Variants in MIPOL1 observed in about 807,000 individuals in gnomAD.
MIPOL1 encodes the protein mirror-image polydactyly 1, also known as mirror-image polydactyly gene 1 protein.
MIPOL1 carries 57 observed loss-of-function variants against 60.9 expected under a neutral mutation model. That is an observed-to-expected ratio of 0.94 (90% confidence interval 0.76 to 1.17). The LOEUF (loss-of-function observed/expected upper bound fraction) is 1.17, where lower values mean the gene tolerates loss of function less well. Ranked by LOEUF, MIPOL1 falls within the 50% of genes most tolerant of loss-of-function variation. The pLI is 0.00. For synonymous variants in MIPOL1, 179 were observed against 168.8 expected (o/e 1.06, Z -0.47); for missense variants, 551 against 511.6 (o/e 1.08, Z -0.74).
intron 10 of MIPOL1, among the ~76,000 whole-genome samples, chr14:37,419,020 A>G (rs2093821794): frequency 6.6e-6 from 1 of 152,126 alleles, no homozygotes; most frequent in Non-Finnish European, 1.5e-5. Context: ...AAACAAAGTT[A>G]TATTTCCACA....
intron 3 of MIPOL1, among the ~76,000 whole-genome samples, chr14:37,255,090 C>T (rs991117421): frequency 3.3e-5 from 5 of 151,684 alleles, no homozygotes; most frequent in Non-Finnish European, 5.9e-5. Context: ...GCTAAAAATC[C>T]TCATTTATTT....
chr14:37,369,695 A>C, intron 10 of MIPOL1, 71 bp downstream of exon 10: 1 of 1,140,094 alleles, frequency 8.8e-7, no homozygotes. Flanking sequence ...TGTGCTGCAT[A>C]TATCAGTTGT....
chr14:37,250,137 G>A (rs899175974), intron 3 of MIPOL1, among the ~76,000 whole-genome samples: 1 of 152,156 alleles, frequency 6.6e-6, no homozygotes, highest in Non-Finnish European at 1.5e-5. Flanking sequence ...TGCATAGACA[G>A]TTTACAGCAG....
intron 11 of MIPOL1, among the ~76,000 whole-genome samples, chr14:37,438,271 G>A (rs1595776173): frequency 6.6e-6 from 1 of 152,106 alleles, no homozygotes; most frequent in South Asian, 2.1e-4. Flanking sequence ...TCAATGTTTT[G>A]TGTTAAAACT....
intron 1 of MIPOL1, among the ~76,000 whole-genome samples, chr14:37,235,821 A>G (rs563747182): frequency 2.0e-5 from 3 of 152,086 alleles, no homozygotes; most frequent in Non-Finnish European, 4.4e-5. Context: ...GGGACCTCAT[A>G]TAAGTGGAAT....
intron 11 of MIPOL1, among the ~76,000 whole-genome samples, chr14:37,460,324 A>T (rs960821601): frequency 9.9e-5 from 15 of 152,102 alleles, no homozygotes; most frequent in Admixed American, 9.8e-4. Flanking sequence ...TCTCTTCATG[A>T]TAAAAACCTT....
At chr14:37,374,118 ATC>A (rs1457147784) in intron 10 of MIPOL1, among the ~76,000 whole-genome samples, 29 of 152,212 alleles carry the variant, frequency 1.9e-4, no homozygotes, top group African/African-American at 6.3e-4. Flanking sequence ...TTTGATTTGC[ATC>A]TCTCTAATGA....
chr14:37,325,326 A>C (rs1458713327), intron 9 of MIPOL1, among the ~76,000 whole-genome samples: 2 of 152,148 alleles, frequency 1.3e-5, no homozygotes, highest in Non-Finnish European at 2.9e-5. Flanking sequence ...CAAATAAAAC[A>C]ATTTCCTTCA....
Position 37,417,720 on chromosome 14 carries a change from T to G in MIPOL1, c.937-5135T>G, listed in dbSNP as rs116529179. ...TGATGTATTGTTTGAAGATACCCAA[T>G]TATATATTTTATAGATGTGTTTAAT... On this transcript the variant is annotated intron_variant, in intron 10 of 12. Transcript: ENST00000684589. Among the ~76,000 whole-genome samples the G allele has an allele frequency of 4.7e-3, 715 of 152,288 alleles. 4 individuals carry two copies. The highest frequency in any genetic ancestry group is 0.015 in the African/African-American group (635 of 41,568).
chr14:37,258,196 A>G (rs1975277839), intron 3 of MIPOL1, among the ~76,000 whole-genome samples: 1 of 152,126 alleles, frequency 6.6e-6, no homozygotes, highest in Non-Finnish European at 1.5e-5. Context: ...ATATATTCTT[A>G]AACAAAATGA....
chr14:37,399,408 C>T (rs1334098293), intron 10 of MIPOL1, among the ~76,000 whole-genome samples: 1 of 152,142 alleles, frequency 6.6e-6, no homozygotes, highest in African/African-American at 2.4e-5. Context: ...ACAGTATATT[C>T]TGTTTTTGTT....
At chr14:37,397,287 G>T (rs1218045441) in intron 10 of MIPOL1, among the ~76,000 whole-genome samples, 1 of 151,662 alleles carries the variant, frequency 6.6e-6, no homozygotes, top group Non-Finnish European at 1.5e-5. Context: ...GCTCTGGGCT[G>T]GTACTGGGGT....
intron 11 of MIPOL1, among the ~76,000 whole-genome samples, chr14:37,452,865 G>A (rs1275157052): frequency 6.6e-6 from 1 of 152,082 alleles, no homozygotes; most frequent in Non-Finnish European, 1.5e-5. Context: ...CGTCTGTTAG[G>A]TACTCAAGAG....
intron 7 of MIPOL1, among the ~76,000 whole-genome samples, chr14:37,293,650 C>T (rs1293261436): frequency 6.6e-6 from 1 of 152,164 alleles, no homozygotes; most frequent in Non-Finnish European, 1.5e-5. Flanking sequence ...AACGGCACAC[C>T]AGGAGATTAT....
intron 11 of MIPOL1, among the ~76,000 whole-genome samples, chr14:37,438,802 C>A (rs2094200342): frequency 6.6e-6 from 1 of 152,110 alleles, no homozygotes; most frequent in African/African-American, 2.4e-5. Flanking sequence ...TTTTTTGAAC[C>A]TTTAAGCTCT....
At position 37,412,162 on chromosome 14, in the gene MIPOL1, CAATG is replaced by C. The variant is rs142525570; in HGVS notation, c.937-10692_937-10689del. On this transcript the variant is annotated intron_variant, in intron 10 of 12. Coordinates refer to ENST00000684589, the MANE Select transcript of MIPOL1 (RefSeq NM_001388067.1). The stretch of plus-strand genomic sequence containing the variant: ...TTACCTCGTATCATCTCAAATGAAA[CAATG>C]TATGTGGAAGCTCTTTGGAAATGTG... Among the ~76,000 whole-genome samples the C allele has an allele frequency of 4.7e-3, 715 of 152,156 alleles. 4 individuals carry two copies. Among genetic ancestry groups the C allele is most frequent in the African/African-American group, 0.015 (632 of 41,520 alleles).
At chr14:37,426,594 TACACACACAC>T (rs1555339854) in intron 11 of MIPOL1, among the ~76,000 whole-genome samples, 11 of 125,392 alleles carry the variant, frequency 8.8e-5, no homozygotes, top group African/African-American at 1.2e-4. Context: ...TATATATATA[TACACACACAC>T]ATACATATAT....
At chr14:37,375,911 T>C (rs1402142384) in intron 10 of MIPOL1, among the ~76,000 whole-genome samples, 2 of 152,156 alleles carry the variant, frequency 1.3e-5, no homozygotes, top group African/African-American at 4.8e-5. Flanking sequence ...CCATTTTTTT[T>C]CCTCTTTGTT....
intron 3 of MIPOL1, among the ~76,000 whole-genome samples, chr14:37,252,874 T>G (rs1052663852): frequency 1.3e-5 from 2 of 151,888 alleles, no homozygotes; most frequent in African/African-American, 4.8e-5. Context: ...CATATCACTT[T>G]TATAAACTAT....
Sources: allele counts gnomAD v4.1 joint callset (sites outside exome capture counted in the v4.1 genomes callset), GRCh38; gene constraint gnomAD v4.1.1; transcripts MANE v1.5; gene names NCBI Gene and HGNC (gene_info 2026-07-23, HGNC 2026-07-21).